ZNF100: variants seen among roughly 807,000 people sequenced by gnomAD.
The protein encoded by ZNF100 is zinc finger protein 100, also known as zinc finger protein 100 (Y1).
In ZNF100, 12 loss-of-function variants were observed where a neutral mutation model predicts 15.8. That is an observed-to-expected ratio of 0.76 (90% CI 0.49 to 1.23). The LOEUF (loss-of-function observed/expected upper bound fraction) is 1.23, where lower values mean the gene tolerates loss of function less well. Ranked by LOEUF, ZNF100 falls within the 50% of genes most tolerant of loss-of-function variation. The pLI, the probability that ZNF100 is intolerant of heterozygous loss-of-function variation, is 0.00. For missense variants in ZNF100, 670 were observed against 635.6 expected (o/e 1.05, Z -0.58); for synonymous variants, 226 against 214.8 (o/e 1.05, Z -0.45).
At chr19:21,731,566 C>CAA (rs1427379262) in intron 4 of ZNF100, among the ~76,000 whole-genome samples, 1 of 152,108 alleles carries the variant, frequency 6.6e-6, no homozygotes, top group East Asian at 1.9e-4. Flanking sequence ...CTCAGCCTCT[C>CAA]AAAGTGCTGG....
At chr19:21,750,662 A>G (rs35965384) in intron 2 of ZNF100, 18,798 of 211,756 alleles carry the variant, frequency 0.089, 1,090 homozygotes, top group South Asian at 0.19. Context: ...GCGAGCGTGC[A>G]GGGAGGCCGG....
intron 2 of ZNF100, chr19:21,751,392 A>C (rs1211250743): frequency 1.2e-6 from 1 of 826,250 alleles, no homozygotes. Flanking sequence ...TAGTTTAAGC[A>C]TGATCCTGAG....
At chr19:21,755,894 GAC>G (rs2036385589) in intron 2 of ZNF100, among the ~76,000 whole-genome samples, 1 of 152,100 alleles carries the variant, frequency 6.6e-6, no homozygotes, top group Non-Finnish European at 1.5e-5. Flanking sequence ...AGAACACATG[GAC>G]ACAGAGAGGG....
rs2035722035 is a variant in ZNF100 at position 21,723,662 on chromosome 19, T to G, written c.*3021A>C. On this transcript the variant is annotated 3_prime_UTR_variant, in exon 5 of 5. Coordinates refer to ENST00000358296, the MANE Select transcript of ZNF100 (RefSeq NM_173531.4). ...TTTTATTTCTTCACCACTGATGTTT[T>G]CCATCTCTGAACTGAAGTTACAAGC... is the stretch of plus-strand genomic sequence containing the variant. 3 of 152,220 alleles carry G rather than the reference T, an allele frequency of 2.0e-5. No individual in the cohort carries two copies. Among genetic ancestry groups the G allele is most frequent in the Admixed American group, 2.0e-4 (3 of 15,282 alleles). 9.4% of individuals were successfully genotyped at this position (152,220 alleles called of 1,614,324 possible).
At chr19:21,733,267 AATAG>A (rs2035949885) in intron 4 of ZNF100, among the ~76,000 whole-genome samples, 1 of 152,218 alleles carries the variant, frequency 6.6e-6, no homozygotes, top group South Asian at 2.1e-4. Flanking sequence ...TAAATCTGTT[AATAG>A]ATACACAATG....
In ZNF100 at chr19:21,744,010, C is replaced by T. The variant is rs1568301409; in HGVS notation, c.322+7G>A. ...CTGTGTCATCTGTTGTGTTCACTCT[C>T]ACCTACCTGGGGGTTTGGCTACCAT... is the stretch of plus-strand genomic sequence containing the variant. On this transcript the variant is annotated splice_region_variant and intron_variant, in intron 4 of 4. Coordinates refer to ENST00000358296, the MANE Select transcript of ZNF100 (RefSeq NM_173531.4). The T allele has an allele frequency of 1.2e-6, 2 of 1,608,754 alleles. No homozygotes were observed. The highest frequency in any genetic ancestry group is 2.2e-5 in the South Asian group (2 of 90,410).
At chr19:21,737,283 T>C (rs1366399656) in intron 4 of ZNF100, among the ~76,000 whole-genome samples, 1 of 151,974 alleles carries the variant, frequency 6.6e-6, no homozygotes, top group Non-Finnish European at 1.5e-5. Context: ...CCCAGCACTT[T>C]GGGAGGGTGA....
chr19:21,743,976 A>C, intron 4 of ZNF100, 41 bp downstream of exon 4: 1 of 1,554,268 alleles, frequency 6.4e-7, no homozygotes, highest in Non-Finnish European at 8.7e-7. Context: ...TGACCTTTGG[A>C]CCTCACATCT....
At chr19:21,758,068 A>T (rs1324741133) in intron 2 of ZNF100, among the ~76,000 whole-genome samples, 1 of 152,110 alleles carries the variant, frequency 6.6e-6, no homozygotes, top group African/African-American at 2.4e-5. Context: ...ATAGAAACAA[A>T]ATATGGTACA....
At chr19:21,767,101 C>A (rs985823490) in intron 1 of ZNF100, among the ~76,000 whole-genome samples, 4 of 152,176 alleles carry the variant, frequency 2.6e-5, no homozygotes, top group Admixed American at 6.5e-5. Context: ...ATTCATGAAC[C>A]CGCACCCCGA....
chr19:21,755,262 G>A (rs1226560599), intron 2 of ZNF100, among the ~76,000 whole-genome samples: 1 of 151,208 alleles, frequency 6.6e-6, no homozygotes, highest in Non-Finnish European at 1.5e-5. Context: ...AGCCAAGATC[G>A]CACCATTGCA....
intron 2 of ZNF100, among the ~76,000 whole-genome samples, chr19:21,764,217 A>G (rs1393251503): frequency 6.6e-6 from 1 of 152,220 alleles, no homozygotes; most frequent in African/African-American, 2.4e-5. Context: ...ACTGGGACCA[A>G]GCTCTAATTT....
At chr19:21,744,719 ACTAAT>A (rs1208504959) in intron 3 of ZNF100, among the ~76,000 whole-genome samples, 2 of 152,134 alleles carry the variant, frequency 1.3e-5, no homozygotes, top group African/African-American at 4.8e-5. Flanking sequence ...TGGAATTACC[ACTAAT>A]CTAGAGTGAA....
In ZNF100 at chr19:21,724,027, G is replaced by C. The variant is rs975164208; in HGVS notation, c.*2656C>G. On this transcript the variant is annotated 3_prime_UTR_variant, in exon 5 of 5. Transcript: ENST00000358296. ...AAATTATTCTTATAATCACAGACCAGCTCACATAATGAATACTTCATAATC... is the reference window on the plus strand; with the variant it reads ...AAATTATTCTTATAATCACAGACCACCTCACATAATGAATACTTCATAATC... 1 of 152,056 alleles carries C rather than the reference G, an allele frequency of 6.6e-6. No homozygotes were observed. The highest frequency in any genetic ancestry group is 2.4e-5 in the African/African-American group (1 of 41,390). 9.4% of individuals were successfully genotyped at this position (152,056 alleles called of 1,614,324 possible). A position where few individuals can be genotyped will look rare whatever the true frequency, so the allele number is the denominator to read the frequency against.
At position 21,723,593 on chromosome 19, in the gene ZNF100, G is replaced by A. The variant is rs1192653954; in HGVS notation, c.*3090C>T. On this transcript the variant is annotated 3_prime_UTR_variant, in exon 5 of 5. Coordinates refer to ENST00000358296, the MANE Select transcript of ZNF100 (RefSeq NM_173531.4). ...TTCTCTTTAAATTCAGCAAGATTCA[G>A]CATTGCAGCCTGGAAACTATGTCCT... 6.6e-6 allele frequency: 1 copy of A among 152,118 alleles called. No homozygotes were observed. Among genetic ancestry groups the A allele is most frequent in the Admixed American group, 6.6e-5 (1 of 15,260 alleles). The allele number at this position is 152,118 out of a possible 1,614,324, so 9.4% of individuals were successfully genotyped here. A position where few individuals can be genotyped will look rare whatever the true frequency, so the allele number is the denominator to read the frequency against.
chr19:21,750,724 G>A (rs768161631), intron 2 of ZNF100: 1 of 299,632 alleles, frequency 3.3e-6, no homozygotes, highest in African/African-American at 2.2e-5. Context: ...CCAGCGAGGA[G>A]GCACCTGCTT....
chr19:21,728,018 T>G (rs1055775028), intron 4 of ZNF100, 29 bp from the exon 5 acceptor site: 2 of 1,460,970 alleles, frequency 1.4e-6, no homozygotes, highest in African/African-American at 2.9e-5. Context: ...ACAAATTACT[T>G]TACTTACTAG....
chr19:21,763,947 A>G (rs2036521282), intron 2 of ZNF100, among the ~76,000 whole-genome samples: 2 of 152,214 alleles, frequency 1.3e-5, no homozygotes, highest in Non-Finnish European at 1.5e-5. Context: ...TATACATTAC[A>G]AAGTCTAGAA....
chr19:21,740,988 CAA>C (rs74174039), intron 4 of ZNF100, among the ~76,000 whole-genome samples: 14,229 of 152,092 alleles, frequency 0.094, 873 homozygotes, highest in South Asian at 0.18. Flanking sequence ...CCAGTACTCA[CAA>C]AAGTCAAAAG....
Sources: gnomAD v4.1 joint callset for allele counts (sites outside exome capture counted in the v4.1 genomes callset) on GRCh38, gnomAD v4.1.1 for gene constraint, MANE v1.5 for transcripts, NCBI Gene and HGNC (gene_info 2026-07-23, HGNC 2026-07-21) for gene names.